Variants in STX8 observed in about 807,000 individuals in gnomAD.
STX8 encodes syntaxin 8.
In STX8, 23 loss-of-function variants were observed where a neutral mutation model predicts 37.5. That is an observed-to-expected ratio of 0.61 (90% confidence interval 0.44 to 0.87). The LOEUF is 0.87. Among genes scored for constraint, STX8 ranks in the 40% least tolerant of loss-of-function variants. The pLI is 0.00. For synonymous variants in STX8, 115 were observed against 99.1 expected (o/e 1.16, Z -0.95); for missense variants, 313 against 284.7 (o/e 1.10, Z -0.71).
At chr17:9,472,347 T>C (rs1395559554) in intron 6 of STX8, among the ~76,000 whole-genome samples, 2 of 152,242 alleles carry the variant, frequency 1.3e-5, no homozygotes, top group Non-Finnish European at 2.9e-5. Context: ...TAGTATTCAC[T>C]TGGGGGTTTT....
intron 6 of STX8, among the ~76,000 whole-genome samples, chr17:9,441,288 A>G (rs1239866243): frequency 2.6e-5 from 4 of 151,888 alleles, no homozygotes; most frequent in Non-Finnish European, 4.4e-5. Flanking sequence ...TTGGGAGATC[A>G]AAACCATCCT....
chr17:9,327,601 A>G (rs921986747), intron 7 of STX8, among the ~76,000 whole-genome samples: 6 of 151,964 alleles, frequency 3.9e-5, no homozygotes, highest in African/African-American at 1.5e-4. Context: ...CATTCCTTCC[A>G]CCTGGGTACA....
chr17:9,345,848 C>CTTTTTTTTTTTTTTTTTT lies in STX8; in HGVS notation c.643+32686_643+32703dup, dbSNP rs545020159. Among the ~76,000 whole-genome samples, 275 of 52,076 alleles carry CTTTTTTTTTTTTTTTTTT rather than the reference C, an allele frequency of 5.3e-3. 74 individuals carry two copies. Among genetic ancestry groups the CTTTTTTTTTTTTTTTTTT allele is most frequent in the Non-Finnish European group, 6.7e-3 (195 of 29,122 alleles). The allele number at this position is 52,076 out of a possible 152,430, so 34.2% of individuals were successfully genotyped here. A position where few individuals can be genotyped will look rare whatever the true frequency, so the allele number is the denominator to read the frequency against. ...CATTATACCTCCGGGTTATGCATTC[C>CTTTTTTTTTTTTTTTTTT]TTTTTTTTTTTTTTTTTTTTGAGAT... On this transcript the variant is annotated intron_variant, in intron 7 of 7. Transcript: ENST00000306357.
chr17:9,358,853 G>A (rs1425055432), intron 7 of STX8, among the ~76,000 whole-genome samples: 1 of 152,100 alleles, frequency 6.6e-6, no homozygotes, highest in African/African-American at 2.4e-5. Flanking sequence ...GAGAAGTGAG[G>A]ATGAGTACAG....
rs772793800 is a variant in STX8 at position 9,454,427 on chromosome 17, C to T, written c.541+37402G>A. 5.9e-5 allele frequency among the ~76,000 whole-genome samples: 9 copies of T among 152,276 alleles called. No homozygotes were observed. In the South Asian group the frequency reaches 1.0e-3, roughly 18 times the overall value. ...GGCGCGGTGGCTCACGCCTGTAATCCCAGCACTCTGGGAGGCCGAGGCGGG... is the reference window on the plus strand; with the variant it reads ...GGCGCGGTGGCTCACGCCTGTAATCTCAGCACTCTGGGAGGCCGAGGCGGG... On this transcript the variant is annotated intron_variant, in intron 6 of 7. Transcript: ENST00000306357.
At chr17:9,290,938 T>C (rs895826013) in intron 7 of STX8, among the ~76,000 whole-genome samples, 5 of 152,116 alleles carry the variant, frequency 3.3e-5, no homozygotes, top group Admixed American at 1.3e-4. Context: ...GTTTCCGCAC[T>C]ACCTAAGGTC....
chr17:9,275,378 G>A (rs1452970257), intron 7 of STX8, among the ~76,000 whole-genome samples: 2 of 152,150 alleles, frequency 1.3e-5, no homozygotes, highest in African/African-American at 4.8e-5. Flanking sequence ...AGACATCGCT[G>A]CTCTCTGTCT....
At chr17:9,305,762 T>TTTTTTA in intron 7 of STX8, 4 of 147,292 alleles carry the variant, frequency 2.7e-5, no homozygotes, top group African/African-American at 7.7e-5. Flanking sequence ...TTTTTTTTTT[T>TTTTTTA]GAGATGGAGT....
At chr17:9,534,367 T>C (rs1597728367) in intron 4 of STX8, among the ~76,000 whole-genome samples, 1 of 151,250 alleles carries the variant, frequency 6.6e-6, no homozygotes, top group African/African-American at 2.4e-5. Flanking sequence ...AACAAACAAA[T>C]CCCACAATCT....
At chr17:9,573,986 T>C (rs1317935781) in intron 1 of STX8, among the ~76,000 whole-genome samples, 3 of 152,050 alleles carry the variant, frequency 2.0e-5, no homozygotes, top group Non-Finnish European at 2.9e-5. Context: ...AAGACAATTA[T>C]GAGGCCAGGT....
At chr17:9,558,731 G>A (rs9895171) in intron 2 of STX8, among the ~76,000 whole-genome samples, 5,118 of 152,120 alleles carry the variant, frequency 0.034, 290 homozygotes, top group African/African-American at 0.12. Context: ...GCTGAGGCAG[G>A]AGAACGGCGT....
At chr17:9,260,530 AG>A (rs1906973889) in intron 7 of STX8, among the ~76,000 whole-genome samples, 1 of 152,078 alleles carries the variant, frequency 6.6e-6, no homozygotes, top group African/African-American at 2.4e-5. Context: ...AGGCTGAGGC[AG>A]GAAAATTGCT....
Position 9,333,545 on chromosome 17 carries a change from G to A in STX8, c.643+45007C>T, listed in dbSNP as rs543864140. On this transcript the variant is annotated intron_variant, in intron 7 of 7. Coordinates refer to ENST00000306357, the MANE Select transcript of STX8 (RefSeq NM_004853.3). ...TGGGACTATAGGCGCCCGCCACCAC[G>A]CCCAGCTAATATTTTGTATTTTTTT... 1.3e-3 allele frequency among the ~76,000 whole-genome samples: 195 copies of A among 152,012 alleles called. 1 individual carries two copies. Among genetic ancestry groups the A allele is most frequent in the Non-Finnish European group, 2.2e-3 (148 of 67,944 alleles).
At chr17:9,520,850 G>A (rs988589389) in intron 4 of STX8, among the ~76,000 whole-genome samples, 2 of 152,142 alleles carry the variant, frequency 1.3e-5, no homozygotes, top group African/African-American at 4.8e-5. Context: ...TCAAAAAGAT[G>A]TCAAAGTGAC....
At chr17:9,521,167 C>T (rs1390957220) in intron 4 of STX8, among the ~76,000 whole-genome samples, 1 of 152,142 alleles carries the variant, frequency 6.6e-6, no homozygotes, top group Non-Finnish European at 1.5e-5. Context: ...GGCAACAATA[C>T]GCAGACTGGA....
chr17:9,500,491 A>G (rs560726580), intron 5 of STX8, among the ~76,000 whole-genome samples: 12 of 152,274 alleles, frequency 7.9e-5, no homozygotes, highest in African/African-American at 2.9e-4. Context: ...CCAAGAGGCC[A>G]TGGTGGTTAG....
At chr17:9,275,357 C>A (rs1458479703) in intron 7 of STX8, among the ~76,000 whole-genome samples, 1 of 152,230 alleles carries the variant, frequency 6.6e-6, no homozygotes, top group East Asian at 1.9e-4. Flanking sequence ...GCTGGCTTCA[C>A]TGACGCAGGG....
Position 9,394,916 on chromosome 17 carries a change from A to G in STX8, c.542-16263T>C, listed in dbSNP as rs1323534244. Among the ~76,000 whole-genome samples the G allele has an allele frequency of 2.0e-5, 3 of 147,290 alleles. No individual in the cohort carries two copies. In the East Asian group the frequency reaches 6.1e-4, roughly 30 times the overall value. ...CATGATGAAACCCCATCTCTACTAA[A>G]AATACAAAAAAATAGCTGGGCGTAG... is the stretch of plus-strand genomic sequence containing the variant. On this transcript the variant is annotated intron_variant, in intron 6 of 7. Transcript: ENST00000306357.
In STX8 at chr17:9,438,045, G is replaced by A. The variant is rs1221179043; in HGVS notation, c.541+53784C>T. Among the ~76,000 whole-genome samples, 3 of 152,098 alleles carry A rather than the reference G, an allele frequency of 2.0e-5. No individual in the cohort carries two copies. In the East Asian group the frequency reaches 5.8e-4, roughly 29 times the overall value. ...GCAGATCACGAGGTCAGGAGTTTGAGACCAGCCTGGCCAACATGGTGAAAC... is the reference window on the plus strand; with the variant it reads ...GCAGATCACGAGGTCAGGAGTTTGAAACCAGCCTGGCCAACATGGTGAAAC... On this transcript the variant is annotated intron_variant, in intron 6 of 7. Coordinates refer to ENST00000306357, the MANE Select transcript of STX8 (RefSeq NM_004853.3).
Sources: gnomAD v4.1 joint callset for allele counts (sites outside exome capture counted in the v4.1 genomes callset) on GRCh38, gnomAD v4.1.1 for gene constraint, MANE v1.5 for transcripts, NCBI Gene and HGNC (gene_info 2026-07-23, HGNC 2026-07-21) for gene names.